The following CCSER1 variants were observed in gnomAD, a reference collection of about 807,000 sequenced individuals.
CCSER1 encodes the protein serine-rich coiled-coil domain-containing protein 1.
Under a neutral mutation model 82.0 loss-of-function variants are expected in CCSER1, and 41 were observed. That is an observed-to-expected ratio of 0.50 (90% CI 0.39 to 0.65). The LOEUF (loss-of-function observed/expected upper bound fraction) is 0.65. Among genes scored for constraint, CCSER1 ranks in the 30% least tolerant of loss-of-function variants. The pLI, the probability that CCSER1 is intolerant of heterozygous loss-of-function variation, is 0.00. For synonymous variants in CCSER1, 414 were observed against 383.9 expected, an observed-to-expected ratio of 1.08 and a Z score of -0.92; for missense variants, 1,119 against 1,064.2, an observed-to-expected ratio of 1.05 and a Z score of -0.72.
chr4:90,706,750 T>C (rs181296907), intron 6 of CCSER1, among the ~76,000 whole-genome samples: 46 of 152,330 alleles, frequency 3.0e-4, no homozygotes, highest in Non-Finnish European at 1.5e-4. Context: ...TGAAGTATAT[T>C]CTTTCTGTTT....
intron 10 of CCSER1, among the ~76,000 whole-genome samples, chr4:91,594,828 C>T (rs1246819594): frequency 6.6e-6 from 1 of 152,024 alleles, no homozygotes; most frequent in Non-Finnish European, 1.5e-5. Context: ...CTTTTGGCTT[C>T]AGGTTCAGTG....
In CCSER1 at chr4:91,601,130, T is replaced by C. The variant is rs943446794; in HGVS notation, c.*2073T>C. On this transcript the variant is annotated 3_prime_UTR_variant, in exon 11 of 11. Transcript: ENST00000509176. ...GAAGAACTATGTATCACAAATAATG[T>C]TTTTGATTTGGACTTTTGGAGTTGA... is the stretch of plus-strand genomic sequence containing the variant. 9.9e-5 allele frequency: 15 copies of C among 152,068 alleles called. No individual in the cohort carries two copies. The highest frequency in any genetic ancestry group is 2.7e-4 in the African/African-American group (11 of 41,422). 9.4% of individuals were successfully genotyped at this position (152,068 alleles called of 1,614,324 possible).
At chr4:91,450,235 A>T (rs1010487459) in intron 10 of CCSER1, among the ~76,000 whole-genome samples, 1 of 152,060 alleles carries the variant, frequency 6.6e-6, no homozygotes, top group Non-Finnish European at 1.5e-5. Flanking sequence ...CATACCGACG[A>T]TCATGAATTT....
chr4:90,885,608 G>T, intron 8 of CCSER1, among the ~76,000 whole-genome samples: 1 of 152,108 alleles, frequency 6.6e-6, no homozygotes, highest in Non-Finnish European at 1.5e-5. Context: ...TAGCCATAAG[G>T]TCATTATTTG....
At chr4:90,175,568 G>C (rs1483936912) in intron 1 of CCSER1, among the ~76,000 whole-genome samples, 3 of 151,904 alleles carry the variant, frequency 2.0e-5, no homozygotes. Context: ...AAGTTTATTG[G>C]CACATTTTGA....
chr4:91,586,785 T>C (rs986567074), intron 10 of CCSER1, among the ~76,000 whole-genome samples: 2 of 151,764 alleles, frequency 1.3e-5, no homozygotes, highest in Admixed American at 6.6e-5. Context: ...TGACTTAAGA[T>C]ACGATATTGT....
chr4:91,064,938 T>G (rs1720646345), intron 9 of CCSER1, among the ~76,000 whole-genome samples: 1 of 152,146 alleles, frequency 6.6e-6, no homozygotes, highest in Admixed American at 6.5e-5. Context: ...CCTGATATTC[T>G]AAACCTAGGT....
chr4:90,934,863 A>T (rs911357108), intron 9 of CCSER1, among the ~76,000 whole-genome samples: 4 of 152,100 alleles, frequency 2.6e-5, no homozygotes, highest in African/African-American at 9.7e-5. Context: ...CCCGGGAGGC[A>T]GAGGTTGCAG....
chr4:91,210,452 A>G (rs1362228581), intron 10 of CCSER1, among the ~76,000 whole-genome samples: 3 of 151,608 alleles, frequency 2.0e-5, no homozygotes, highest in South Asian at 2.1e-4. Context: ...TTACAGTACT[A>G]TGAAGAAGTT....
At chr4:90,382,712 A>C (rs1295570526) in intron 3 of CCSER1, among the ~76,000 whole-genome samples, 1 of 152,158 alleles carries the variant, frequency 6.6e-6, no homozygotes, top group Non-Finnish European at 1.5e-5. Context: ...TACAAAGTAC[A>C]GTAATAGAAA....
At chr4:90,615,606 C>T (rs1721037259) in intron 5 of CCSER1, among the ~76,000 whole-genome samples, 1 of 151,746 alleles carries the variant, frequency 6.6e-6, no homozygotes, top group South Asian at 2.1e-4. Context: ...AGAAGTGGAC[C>T]CTGAATATGT....
chr4:91,456,079 G>A (rs867885724), intron 10 of CCSER1, among the ~76,000 whole-genome samples: 12 of 152,034 alleles, frequency 7.9e-5, no homozygotes, highest in Middle Eastern at 3.2e-3. Flanking sequence ...GTAAACCTGT[G>A]AGAAATTTAT....
At chr4:91,459,893 T>C (rs1578512271) in intron 10 of CCSER1, among the ~76,000 whole-genome samples, 1 of 152,122 alleles carries the variant, frequency 6.6e-6, no homozygotes, top group East Asian at 1.9e-4. Context: ...TTTCCTATGA[T>C]GAGAAACAGC....
chr4:91,491,562 T>C lies in CCSER1; in HGVS notation c.2218-107010T>C, dbSNP rs189000892. 2.0e-3 allele frequency among the ~76,000 whole-genome samples: 310 copies of C among 152,250 alleles called. 2 individuals carry two copies. The highest frequency in any genetic ancestry group is 0.01 in the Middle Eastern group (3 of 294). On this transcript the variant is annotated intron_variant, in intron 10 of 10. Coordinates refer to ENST00000509176, the MANE Select transcript of CCSER1 (RefSeq NM_001145065.2). ...CTCAAGATATTGGTTGGCCACAGCA[T>C]AGGTAAAACTATACCATATTATCAA...
At chr4:90,531,797 GC>G (rs1026248341) in intron 5 of CCSER1, among the ~76,000 whole-genome samples, 25 of 152,072 alleles carry the variant, frequency 1.6e-4, no homozygotes, top group African/African-American at 5.8e-4. Flanking sequence ...TGCCAGTTGA[GC>G]CTTTTCACAA....
chr4:90,630,271 T>C (rs984015622), intron 6 of CCSER1, among the ~76,000 whole-genome samples: 3 of 152,230 alleles, frequency 2.0e-5, no homozygotes, highest in Admixed American at 1.3e-4. Flanking sequence ...TATTAGAAGA[T>C]ACTAGTCTCA....
chr4:91,422,125 A>T (rs1042955412), intron 10 of CCSER1, among the ~76,000 whole-genome samples: 3 of 152,120 alleles, frequency 2.0e-5, no homozygotes, highest in Non-Finnish European at 2.9e-5. Flanking sequence ...TTAGCTTAGT[A>T]ATACTCATGA....
intron 10 of CCSER1, among the ~76,000 whole-genome samples, chr4:91,185,529 A>G (rs969538945): frequency 2.0e-5 from 3 of 152,184 alleles, no homozygotes; most frequent in African/African-American, 7.2e-5. Flanking sequence ...CTGCAGTGCT[A>G]CCGGCTGTGG....
chr4:91,273,885 G>A (rs1261020720), intron 10 of CCSER1, among the ~76,000 whole-genome samples: 2 of 152,054 alleles, frequency 1.3e-5, no homozygotes, highest in African/African-American at 4.8e-5. Flanking sequence ...TTTTGATTCT[G>A]TTTCTGTGGT....
Sources: gnomAD v4.1 joint callset for allele counts (sites outside exome capture counted in the v4.1 genomes callset) on GRCh38, gnomAD v4.1.1 for gene constraint, MANE v1.5 for transcripts, NCBI Gene and HGNC (gene_info 2026-07-23, HGNC 2026-07-21) for gene names.